The following MCTP2 variants were observed in gnomAD, a reference collection of about 807,000 sequenced individuals.
MCTP2 encodes the protein multiple C2 and transmembrane domain containing 2.
A neutral mutation model predicts 111.6 loss-of-function variants in MCTP2; 132 were observed. The observed-to-expected ratio is 1.18, with a 90% CI of 1.03 to 1.37. The LOEUF (loss-of-function observed/expected upper bound fraction) is 1.37. Among genes scored for constraint, MCTP2 ranks in the 40% most tolerant of loss-of-function variants. The probability of loss-of-function intolerance (pLI) is 0.00; values close to 1 mark genes in which losing one functional copy is unlikely to be tolerated. For synonymous variants in MCTP2, 395 were observed against 387.7 expected (o/e 1.02, Z -0.22); for missense variants, 1,183 against 1,067.9 (o/e 1.11, Z -1.50).
chr15:94,324,845 T>G (rs1191648787), intron 4 of MCTP2, among the ~76,000 whole-genome samples: 1 of 152,218 alleles, frequency 6.6e-6, no homozygotes, highest in African/African-American at 2.4e-5. Context: ...GTTTAATAAA[T>G]TACTAAATTG....
chr15:94,479,464 C>A lies in MCTP2; in HGVS notation c.*430C>A. 1 of 179,970 alleles carries A rather than the reference C, an allele frequency of 5.6e-6. No homozygotes were observed. 11.1% of individuals were successfully genotyped at this position (179,970 alleles called of 1,614,324 possible). A position where few individuals can be genotyped will look rare whatever the true frequency, so the allele number is the denominator to read the frequency against. On this transcript the variant is annotated 3_prime_UTR_variant, in exon 23 of 23. Transcript: ENST00000357742. ...CAGCCCCACACTCCTTTCAGATTAT[C>A]GTTCATGGGCGTAAGTCTCTTCTCA...
At position 94,450,797 on chromosome 15, in the gene MCTP2, A is replaced by G. The variant is rs529762857; in HGVS notation, c.2251-7340A>G. 1.4e-4 allele frequency among the ~76,000 whole-genome samples: 22 copies of G among 152,314 alleles called. No homozygotes were observed. The South Asian group carries it at 4.3e-3, about 30-fold the overall frequency. Reference sequence around the variant, plus strand: ...AGCATGTCAGAAGGATTTTTTCCTGACATGGTCAATTTTCAGGACTTTGTC... The same window carrying G: ...AGCATGTCAGAAGGATTTTTTCCTGGCATGGTCAATTTTCAGGACTTTGTC... On this transcript the variant is annotated intron_variant, in intron 19 of 22. Transcript: ENST00000357742.
At chr15:94,316,504 C>T (rs1411331614) in intron 4 of MCTP2, among the ~76,000 whole-genome samples, 1 of 152,146 alleles carries the variant, frequency 6.6e-6, no homozygotes, top group African/African-American at 2.4e-5. Flanking sequence ...CCACTTGATG[C>T]CTTGGGTTGT....
At chr15:94,239,267 A>T (rs1456196118) in intron 1 of MCTP2, among the ~76,000 whole-genome samples, 1 of 152,240 alleles carries the variant, frequency 6.6e-6, no homozygotes, top group Non-Finnish European at 1.5e-5. Flanking sequence ...AAAGATATGT[A>T]TATAGATATG....
intron 4 of MCTP2, among the ~76,000 whole-genome samples, chr15:94,324,278 T>C (rs6497200): frequency 0.14 from 20,688 of 152,252 alleles, 3,964 homozygotes; most frequent in African/African-American, 0.42. Context: ...TCATACCCTG[T>C]TGGCTCGTAG....
intron 5 of MCTP2, 132 bp from the exon 6 acceptor site, chr15:94,340,067 A>G (rs1424994720): frequency 3.0e-6 from 2 of 663,066 alleles, no homozygotes; most frequent in Non-Finnish European, 2.6e-6. Flanking sequence ...CTCTTTAACT[A>G]TACTATGCAA....
At chr15:94,361,084 GTTTTTTTTTTTTT>G (rs67774490) in intron 10 of MCTP2, among the ~76,000 whole-genome samples, 569 of 8,520 alleles carry the variant, frequency 0.067, 20 homozygotes, top group East Asian at 0.16. Flanking sequence ...AATATTTCAA[GTTTTTTTTTTTTT>G]TTTTTTTTTT....
chr15:94,258,582 A>G (rs2072991407), intron 1 of MCTP2, among the ~76,000 whole-genome samples: 1 of 152,234 alleles, frequency 6.6e-6, no homozygotes. Context: ...GAGAAACACC[A>G]TTTAGTAGAG....
intron 1 of MCTP2, among the ~76,000 whole-genome samples, chr15:94,288,966 T>A (rs999449771): frequency 6.6e-6 from 1 of 152,112 alleles, no homozygotes; most frequent in Non-Finnish European, 1.5e-5. Flanking sequence ...TCAATAAAGG[T>A]TATCCAATCT....
chr15:94,469,878 CAAA>C (rs1482940077), intron 20 of MCTP2, among the ~76,000 whole-genome samples: 3 of 142,378 alleles, frequency 2.1e-5, no homozygotes, highest in African/African-American at 5.5e-5. Context: ...TCAAAAAAGA[CAAA>C]AAAGAAAAAA....
intron 3 of MCTP2, chr15:94,314,765 G>A (rs989680798): frequency 8.7e-6 from 4 of 458,452 alleles, no homozygotes; most frequent in South Asian, 4.7e-5. Context: ...AATTTAATTG[G>A]GCTCATGTAA....
intron 10 of MCTP2, among the ~76,000 whole-genome samples, chr15:94,365,902 T>G (rs1192137141): frequency 6.6e-6 from 1 of 152,192 alleles, no homozygotes; most frequent in African/African-American, 2.4e-5. Flanking sequence ...TCTACAAATT[T>G]GGATTATTTA....
At chr15:94,397,702 C>T (rs938348744) in intron 14 of MCTP2, among the ~76,000 whole-genome samples, 1 of 152,128 alleles carries the variant, frequency 6.6e-6, no homozygotes, top group Non-Finnish European at 1.5e-5. Flanking sequence ...ATTGCTGTTT[C>T]CCCCCATGAC....
intron 12 of MCTP2, among the ~76,000 whole-genome samples, chr15:94,379,254 T>C (rs201474017): frequency 6.6e-6 from 1 of 152,056 alleles, no homozygotes; most frequent in East Asian, 1.9e-4. Context: ...GCTGAAGAGT[T>C]GGTGAACAGT....
intron 11 of MCTP2, among the ~76,000 whole-genome samples, chr15:94,369,100 C>T (rs566069210): frequency 3.3e-5 from 5 of 152,244 alleles, no homozygotes; most frequent in East Asian, 3.9e-4. Flanking sequence ...ATTTCAAATG[C>T]GTTCTCTTAG....
chr15:94,472,598 G>A (rs1212225314), intron 21 of MCTP2, among the ~76,000 whole-genome samples: 4 of 152,126 alleles, frequency 2.6e-5, no homozygotes, highest in African/African-American at 9.7e-5. Flanking sequence ...ATGGTATGGA[G>A]TTTATTATGC....
chr15:94,249,896 C>T (rs936073583), intron 1 of MCTP2, among the ~76,000 whole-genome samples: 3 of 152,022 alleles, frequency 2.0e-5, no homozygotes, highest in Non-Finnish European at 2.9e-5. Flanking sequence ...CTTTTTCTTT[C>T]TGTTGTCTGA....
At chr15:94,372,147 C>T (rs112532361) in intron 12 of MCTP2, among the ~76,000 whole-genome samples, 141 of 152,276 alleles carry the variant, frequency 9.3e-4, no homozygotes, top group African/African-American at 1.6e-3. Context: ...CCAACAAATT[C>T]CAATAACGAT....
intron 17 of MCTP2, among the ~76,000 whole-genome samples, chr15:94,416,707 T>G (rs1156278961): frequency 6.6e-6 from 1 of 152,160 alleles, no homozygotes; most frequent in Non-Finnish European, 1.5e-5. Flanking sequence ...AAGTTGGATC[T>G]CTTCTATTGC....
Sources: allele counts gnomAD v4.1 joint callset (sites outside exome capture counted in the v4.1 genomes callset), GRCh38; gene constraint gnomAD v4.1.1; transcripts MANE v1.5; gene names NCBI Gene and HGNC (gene_info 2026-07-23, HGNC 2026-07-21).